Variants in DEFB112 observed in about 807,000 individuals in gnomAD.
DEFB112 encodes the protein beta-defensin 112.
A neutral mutation model predicts 1.1 loss-of-function variants in DEFB112; 2 were observed. The ratio of observed to expected loss-of-function variants is 1.85; its 90% CI spans 0.76 to 5.83. DEFB112 has a LOEUF of 5.83. Ranked by LOEUF, DEFB112 falls within the 30% of genes most tolerant of loss-of-function variation. The pLI is 0.05. For missense variants in DEFB112, 120 were observed against 94.4 expected, an observed-to-expected ratio of 1.27 and a Z score of -1.12; for synonymous variants, 40 against 31.2, an observed-to-expected ratio of 1.28 and a Z score of -0.93.
intron 1 of DEFB112, among the ~76,000 whole-genome samples, chr6:50,044,057 G>A (rs1048393233): frequency 2.0e-5 from 3 of 152,068 alleles, no homozygotes; most frequent in African/African-American, 4.8e-5. Context: ...GGCTTGCAAT[G>A]TATTAATCTT....
intron 1 of DEFB112, among the ~76,000 whole-genome samples, chr6:50,048,995 C>G (rs1035309330): frequency 2.0e-5 from 3 of 151,874 alleles, no homozygotes; most frequent in South Asian, 2.1e-4. Context: ...TTCTTTGTAC[C>G]TCAGAAAAGT....
Position 50,043,323 on chromosome 6 carries a change from A to T in DEFB112, c.*252T>A, listed in dbSNP as rs927881864. The stretch of plus-strand genomic sequence containing the variant: ...AAGGAATTGGCCCCAGAATCTCACT[A>T]AACTTAGCGGTCCCATCATGGATTT... On this transcript the variant is annotated 3_prime_UTR_variant, in exon 2 of 2. Coordinates refer to ENST00000651554, the MANE Select transcript of DEFB112 (RefSeq NM_001369057.2). Among the ~76,000 whole-genome samples the T allele has an allele frequency of 2.0e-5, 3 of 151,992 alleles. No individual in the cohort carries two copies. Among genetic ancestry groups the T allele is most frequent in the African/African-American group, 7.2e-5 (3 of 41,400 alleles).
chr6:50,043,535 A>T lies in DEFB112; in HGVS notation c.*40T>A. On this transcript the variant is annotated 3_prime_UTR_variant, in exon 2 of 2. Transcript: ENST00000651554. ...AATGAAGTGATGAAATAATGAGAGGACTTCATTCAGATGTATCATCTTCTT... is the reference window on the plus strand; with the variant it reads ...AATGAAGTGATGAAATAATGAGAGGTCTTCATTCAGATGTATCATCTTCTT... The T allele has an allele frequency of 6.7e-7, 1 of 1,488,266 alleles. No individual in the cohort carries two copies. Among genetic ancestry groups the T allele is most frequent in the Non-Finnish European group, 9.3e-7 (1 of 1,070,518 alleles). The allele number at this position is 1,488,266 out of a possible 1,614,324, so 92.2% of individuals were successfully genotyped here. A position where few individuals can be genotyped will look rare whatever the true frequency, so the allele number is the denominator to read the frequency against.
At chr6:50,045,154 C>T (rs1231328796) in intron 1 of DEFB112, among the ~76,000 whole-genome samples, 1 of 151,790 alleles carries the variant, frequency 6.6e-6, no homozygotes, top group Non-Finnish European at 1.5e-5. Flanking sequence ...TATTTCAAGC[C>T]CATATTTACC....
intron 1 of DEFB112, among the ~76,000 whole-genome samples, chr6:50,046,259 G>GTGTGTT (rs1774832078): frequency 6.6e-6 from 1 of 150,758 alleles, no homozygotes. Flanking sequence ...GTGTGTGTGT[G>GTGTGTT]TATCTTAGAG....
intron 1 of DEFB112, among the ~76,000 whole-genome samples, chr6:50,047,647 C>T (rs534763010): frequency 2.0e-5 from 3 of 152,276 alleles, no homozygotes; most frequent in African/African-American, 7.2e-5. Context: ...TGCTGACATC[C>T]AGTGAAACTT....
chr6:50,049,649 A>G (rs1774894318), intron 1 of DEFB112, among the ~76,000 whole-genome samples, 163 bp downstream of exon 1: 1 of 152,120 alleles, frequency 6.6e-6, no homozygotes, highest in Non-Finnish European at 1.5e-5. Context: ...CTGTGCTTGA[A>G]AAATTATTCA....
At position 50,043,598 on chromosome 6, in the gene DEFB112, A is replaced by T. The variant is rs1774782226; in HGVS notation, c.262T>A (p.Tyr88Asn). ...PKDSVGTQEW[Y>N]PKDSRH The stretch of plus-strand genomic sequence containing the variant: ...CTTCAATGACGTGAGTCTTTAGGGT[A>T]CCATTCTTGAGTCCCTACTGAGTCC... The change falls in exon 2 of 2, where the codon TAC becomes AAC. Residue 88 changes from tyrosine (Y) to asparagine (N), a missense_variant. Transcript: ENST00000651554. The T allele has an allele frequency of 6.2e-7, 1 of 1,613,100 alleles. No individual in the cohort carries two copies. Among genetic ancestry groups the T allele is most frequent in the Non-Finnish European group, 8.5e-7 (1 of 1,179,492 alleles).
chr6:50,048,551 T>C lies in DEFB112; in HGVS notation c.58+1261A>G, dbSNP rs144576723. 9.0e-5 allele frequency: 146 copies of C among 1,613,378 alleles called. No homozygotes were observed. Among genetic ancestry groups the C allele is most frequent in the Non-Finnish European group, 1.2e-4 (145 of 1,179,564 alleles). On this transcript the variant is annotated intron_variant, in intron 1 of 1. Coordinates refer to ENST00000651554, the MANE Select transcript of DEFB112 (RefSeq NM_001369057.2). ...TTTTGTTTTACCTGTGCTGATTTTC[T>C]CTGTCCCATGTCGGGCCTTTTCAAA...
At position 50,043,386 on chromosome 6, in the gene DEFB112, C is replaced by A. The variant is rs1345262522; in HGVS notation, c.*189G>T. ...TGCTTCTATTCCAGAGTTCAAATCC[C>A]TGCTTTGTATTCTGATTCTTTCTTC... is the stretch of plus-strand genomic sequence containing the variant. On this transcript the variant is annotated 3_prime_UTR_variant, in exon 2 of 2. Coordinates refer to ENST00000651554, the MANE Select transcript of DEFB112 (RefSeq NM_001369057.2). 6.6e-6 allele frequency among the ~76,000 whole-genome samples: 1 copy of A among 152,014 alleles called. No individual in the cohort carries two copies. The highest frequency in any genetic ancestry group is 1.5e-5 in the Non-Finnish European group (1 of 67,978).
At chr6:50,048,452 G>A (rs1774872202) in intron 1 of DEFB112, 2 of 1,138,900 alleles carry the variant, frequency 1.8e-6, no homozygotes, top group South Asian at 1.3e-5. Context: ...CTGAGGTAGA[G>A]AATATACTCA....
intron 1 of DEFB112, among the ~76,000 whole-genome samples, chr6:50,044,488 TCA>T (rs1774802291): frequency 6.6e-6 from 1 of 152,064 alleles, no homozygotes; most frequent in Non-Finnish European, 1.5e-5. Context: ...GTCTCTAATC[TCA>T]CTTTACAGCA....
At chr6:50,049,265 T>C (rs1406901268) in intron 1 of DEFB112, among the ~76,000 whole-genome samples, 1 of 152,084 alleles carries the variant, frequency 6.6e-6, no homozygotes, top group Admixed American at 6.5e-5. Context: ...AAAGATATCT[T>C]GATAATCAGA....
intron 1 of DEFB112, chr6:50,048,502 A>C: frequency 6.5e-7 from 1 of 1,539,944 alleles, no homozygotes. Context: ...ATTGATTAAA[A>C]TGTGCAAGAC....
At chr6:50,047,855 T>A (rs1774859851) in intron 1 of DEFB112, among the ~76,000 whole-genome samples, 1 of 152,044 alleles carries the variant, frequency 6.6e-6, no homozygotes, top group East Asian at 1.9e-4. Flanking sequence ...ATAAAAATAG[T>A]TTTGCCTTGG....
chr6:50,047,699 A>T (rs1774856976), intron 1 of DEFB112, among the ~76,000 whole-genome samples: 1 of 152,188 alleles, frequency 6.6e-6, no homozygotes, highest in Non-Finnish European at 1.5e-5. Flanking sequence ...CCAGTCCCTT[A>T]TCTAGACTTT....
chr6:50,044,979 G>A (rs1774808844), intron 1 of DEFB112, among the ~76,000 whole-genome samples: 1 of 151,696 alleles, frequency 6.6e-6, no homozygotes, highest in African/African-American at 2.4e-5. Context: ...AAATAACTGA[G>A]GATTTTGAGA....
rs963428556 is a variant in DEFB112 at position 50,042,990 on chromosome 6, T to C, written c.*585A>G. On this transcript the variant is annotated 3_prime_UTR_variant, in exon 2 of 2. Coordinates refer to ENST00000651554, the MANE Select transcript of DEFB112 (RefSeq NM_001369057.2). ...TCGTTATTGCCACAAGCTACAGGGA[T>C]TTACCATTCTTCTTTTCCTTCCTCA... Among the ~76,000 whole-genome samples the C allele has an allele frequency of 1.3e-5, 2 of 152,000 alleles. No individual in the cohort carries two copies. The highest frequency in any genetic ancestry group is 4.8e-5 in the African/African-American group (2 of 41,418).
At chr6:50,048,516 A>T (rs776149763) in intron 1 of DEFB112, 1 of 1,578,750 alleles carries the variant, frequency 6.3e-7, no homozygotes, top group Non-Finnish European at 8.7e-7. Context: ...GCAAGACACA[A>T]TTCTACTTAT....
Sources: allele counts gnomAD v4.1 joint callset (sites outside exome capture counted in the v4.1 genomes callset), GRCh38; gene constraint gnomAD v4.1.1; transcripts MANE v1.5; gene names NCBI Gene and HGNC (gene_info 2026-07-23, HGNC 2026-07-21).